ARPP19: variants seen among roughly 807,000 people sequenced by gnomAD.
ARPP19 encodes cAMP-regulated phosphoprotein 19.
Under a neutral mutation model 12.0 loss-of-function variants are expected in ARPP19, and 8 were observed. The observed-to-expected ratio is 0.67, with a 90% CI of 0.39 to 1.21. The LOEUF (loss-of-function observed/expected upper bound fraction) is 1.21. ARPP19 is among the 50% of genes most tolerant of loss of function. The probability of loss-of-function intolerance (pLI) is 0.01; values close to 1 mark genes in which losing one functional copy is unlikely to be tolerated. For synonymous variants in ARPP19, 47 were observed against 50.4 expected, an observed-to-expected ratio of 0.93 and a Z score of 0.29; for missense variants, 102 against 136.3, an observed-to-expected ratio of 0.75 and a Z score of 1.25.
At chr15:52,564,132 G>C in intron 1 of ARPP19, 3 of 1,239,774 alleles carry the variant, frequency 2.4e-6, no homozygotes, top group Non-Finnish European at 3.4e-6. Flanking sequence ...ACAAACTGTT[G>C]TATCGCAAAC....
intron 1 of ARPP19, among the ~76,000 whole-genome samples, chr15:52,565,917 C>T (rs982168253): frequency 3.9e-5 from 6 of 151,996 alleles, no homozygotes; most frequent in Non-Finnish European, 2.9e-5. Flanking sequence ...TGCAGTGGCA[C>T]GATCTCGGCT....
chr15:52,556,473 AAAT>A (rs768535175), intron 2 of ARPP19, among the ~76,000 whole-genome samples: 21 of 152,296 alleles, frequency 1.4e-4, no homozygotes, highest in Middle Eastern at 3.4e-3. Flanking sequence ...AAGAATTTGA[AAAT>A]AATATCTTCA....
intron 1 of ARPP19, chr15:52,557,712 A>T (rs975390224): frequency 6.6e-6 from 1 of 151,878 alleles, no homozygotes; most frequent in Non-Finnish European, 1.5e-5. Context: ...GATGATCCTG[A>T]TATTTGTTTT....
At chr15:52,558,327 G>T (rs879226000) in intron 1 of ARPP19, among the ~76,000 whole-genome samples, 1 of 152,102 alleles carries the variant, frequency 6.6e-6, no homozygotes, top group Non-Finnish European at 1.5e-5. Context: ...GTACATGTCT[G>T]TGGTTCCAGC....
At chr15:52,560,627 T>C (rs2078023522) in intron 1 of ARPP19, among the ~76,000 whole-genome samples, 1 of 152,266 alleles carries the variant, frequency 6.6e-6, no homozygotes, top group South Asian at 2.1e-4. Context: ...TCATGAATCC[T>C]ACAGAAACAT....
intron 1 of ARPP19, among the ~76,000 whole-genome samples, chr15:52,559,557 T>C (rs770692865): frequency 1.3e-5 from 2 of 152,238 alleles, no homozygotes; most frequent in Middle Eastern, 6.3e-3. Context: ...ATGCCTTCTC[T>C]AGAATTTTGT....
At chr15:52,557,413 T>C in intron 1 of ARPP19, 191 bp from the exon 2 acceptor site, 1 of 546,602 alleles carries the variant, frequency 1.8e-6, no homozygotes, top group Non-Finnish European at 3.2e-6. Context: ...GATAGCTCTA[T>C]TATAGCTGTG....
At position 52,561,301 on chromosome 15, in the gene ARPP19, T is replaced by G. The variant is rs142043818; in HGVS notation, c.46-4079A>C. Among the ~76,000 whole-genome samples the G allele has an allele frequency of 3.9e-3, 592 of 152,284 alleles. 3 individuals are homozygous for G. The highest frequency in any genetic ancestry group is 0.013 in the African/African-American group (557 of 41,564). ...TTTTCCAAAAAGAATCACAGAAAGA[T>G]TAAATCATAAACTAATCAAGCTTTG... is the stretch of plus-strand genomic sequence containing the variant. On this transcript the variant is annotated intron_variant, in intron 1 of 2. Transcript: ENST00000249822.
chr15:52,565,924 G>A (rs377260087), intron 1 of ARPP19, among the ~76,000 whole-genome samples: 27 of 151,926 alleles, frequency 1.8e-4, no homozygotes, highest in African/African-American at 5.1e-4. Flanking sequence ...GCACGATCTC[G>A]GCTAACTGCA....
intron 1 of ARPP19, chr15:52,557,613 A>G (rs1196932050): frequency 6.5e-6 from 1 of 153,680 alleles, no homozygotes; most frequent in Non-Finnish European, 1.4e-5. Context: ...AATTTTTTCT[A>G]TTTATCTAAA....
In ARPP19 at chr15:52,551,588, C is replaced by T. The variant is rs2077931765; in HGVS notation, c.*346G>A. Reference sequence around the variant, plus strand: ...TAGAGATTATATTAAATAAGAGTAACATACAAAGCTATAATTAAGATGAAG... The same window carrying T: ...TAGAGATTATATTAAATAAGAGTAATATACAAAGCTATAATTAAGATGAAG... On this transcript the variant is annotated 3_prime_UTR_variant, in exon 3 of 3. Coordinates refer to ENST00000249822, the MANE Select transcript of ARPP19 (RefSeq NM_006628.6). The T allele has an allele frequency of 5.7e-6, 1 of 175,530 alleles. No individual in the cohort carries two copies. The highest frequency in any genetic ancestry group is 1.5e-4 in the South Asian group (1 of 6,714). 10.9% of individuals were successfully genotyped at this position (175,530 alleles called of 1,614,324 possible).
At chr15:52,565,627 G>C (rs934017102) in intron 1 of ARPP19, among the ~76,000 whole-genome samples, 2 of 152,136 alleles carry the variant, frequency 1.3e-5, no homozygotes, top group Non-Finnish European at 2.9e-5. Context: ...AAATGTGATT[G>C]TATCTATGAC....
At chr15:52,554,638 G>GACA (rs1330032905) in intron 2 of ARPP19, among the ~76,000 whole-genome samples, 4 of 151,978 alleles carry the variant, frequency 2.6e-5, no homozygotes, top group Non-Finnish European at 5.9e-5. Context: ...CAACTACACT[G>GACA]ACACTAAGTG....
chr15:52,554,041 C>T (rs1467600694), intron 2 of ARPP19, among the ~76,000 whole-genome samples: 1 of 152,226 alleles, frequency 6.6e-6, no homozygotes, highest in African/African-American at 2.4e-5. Flanking sequence ...AATTGTGATG[C>T]ACTGTAATAT....
At chr15:52,564,085 G>C (rs888271898) in intron 1 of ARPP19, 1 of 722,386 alleles carries the variant, frequency 1.4e-6, no homozygotes. Context: ...TAGAAGTTAA[G>C]TATTCAAGTC....
In ARPP19 at chr15:52,547,363, C is replaced by T. The variant is rs537794440; in HGVS notation, c.*4571G>A. ...TAACAAAAAGCAAAACAAAACAAAA[C>T]AAAAAAACAAAACAAGGCATTTACT... is the stretch of plus-strand genomic sequence containing the variant. On this transcript the variant is annotated 3_prime_UTR_variant, in exon 3 of 3. Coordinates refer to ENST00000249822, the MANE Select transcript of ARPP19 (RefSeq NM_006628.6). 2.6e-5 allele frequency: 4 copies of T among 152,104 alleles called. No individual in the cohort carries two copies. The highest frequency in any genetic ancestry group is 1.3e-4 in the Admixed American group (2 of 15,292). The allele number at this position is 152,104 out of a possible 1,614,324, so 9.4% of individuals were successfully genotyped here.
At chr15:52,559,329 G>A (rs746701230) in intron 1 of ARPP19, among the ~76,000 whole-genome samples, 2 of 152,154 alleles carry the variant, frequency 1.3e-5, no homozygotes, top group Non-Finnish European at 1.5e-5. Context: ...CCATTCCCAC[G>A]TTAGTCTCTC....
chr15:52,561,649 G>C (rs532403621), intron 1 of ARPP19, among the ~76,000 whole-genome samples: 2 of 150,510 alleles, frequency 1.3e-5, no homozygotes, highest in Non-Finnish European at 3.0e-5. Flanking sequence ...AAGAAAGGAA[G>C]AAAAATAAAA....
intron 1 of ARPP19, among the ~76,000 whole-genome samples, chr15:52,567,916 A>G (rs1377713515): frequency 6.6e-6 from 1 of 152,220 alleles, no homozygotes; most frequent in African/African-American, 2.4e-5. Flanking sequence ...CTGATTTGTA[A>G]GAAAAATTGT....
Sources: gnomAD v4.1 joint callset for allele counts (sites outside exome capture counted in the v4.1 genomes callset) on GRCh38, gnomAD v4.1.1 for gene constraint, MANE v1.5 for transcripts, NCBI Gene and HGNC (gene_info 2026-07-23, HGNC 2026-07-21) for gene names.